Variants in FNDC3B observed in about 807,000 individuals in gnomAD.
The protein encoded by FNDC3B is fibronectin type III domain containing 3B.
A neutral mutation model predicts 151.5 loss-of-function variants in FNDC3B; 12 were observed. The ratio of observed to expected loss-of-function variants is 0.08; its 90% CI spans 0.05 to 0.13. The LOEUF is 0.13. FNDC3B is among the 10% of genes least tolerant of loss of function. FNDC3B has a pLI of 1.00. For missense variants in FNDC3B, 1,214 were observed against 1,505.3 expected (o/e 0.81, Z 3.20); for synonymous variants, 528 against 549.0 (o/e 0.96, Z 0.54).
At chr3:172,088,063 C>T (rs1199365531) in intron 1 of FNDC3B, among the ~76,000 whole-genome samples, 1 of 152,048 alleles carries the variant, frequency 6.6e-6, no homozygotes, top group Admixed American at 6.6e-5. Flanking sequence ...AATTGCCTGC[C>T]ACATCTTGTT....
At chr3:172,075,984 C>A (rs1312638061) in intron 1 of FNDC3B, among the ~76,000 whole-genome samples, 5 of 152,062 alleles carry the variant, frequency 3.3e-5, no homozygotes, top group Admixed American at 2.6e-4. Context: ...ACATGATAAC[C>A]CTGTAAACTC....
chr3:172,210,667 T>C (rs1012135177), intron 3 of FNDC3B, among the ~76,000 whole-genome samples: 9 of 152,096 alleles, frequency 5.9e-5, no homozygotes, highest in African/African-American at 2.2e-4. Context: ...AATCTGCACT[T>C]TTGTAGTATT....
intron 1 of FNDC3B, among the ~76,000 whole-genome samples, chr3:172,101,168 T>TG (rs1339032142): frequency 6.6e-6 from 1 of 152,202 alleles, no homozygotes; most frequent in Non-Finnish European, 1.5e-5. Flanking sequence ...GGTTAAGGCA[T>TG]GGGGTATGTT....
At chr3:172,376,861 AAAAAG>A (rs201019384) in intron 23 of FNDC3B, among the ~76,000 whole-genome samples, 37,578 of 149,688 alleles carry the variant, frequency 0.25, 4,604 homozygotes, top group Middle Eastern at 0.37. Context: ...AAAAAAAAAA[AAAAAG>A]AAAGAAAAGA....
intron 5 of FNDC3B, among the ~76,000 whole-genome samples, chr3:172,250,901 C>T (rs1159019184): frequency 6.6e-6 from 1 of 152,144 alleles, no homozygotes; most frequent in East Asian, 1.9e-4. Context: ...ACTGCAACCT[C>T]CGCCTCCAGG....
intron 4 of FNDC3B, among the ~76,000 whole-genome samples, chr3:172,241,686 C>T (rs1307855503): frequency 6.6e-6 from 1 of 152,134 alleles, no homozygotes; most frequent in Non-Finnish European, 1.5e-5. Flanking sequence ...CAGTTACCTC[C>T]CACTCAGTCC....
chr3:172,334,513 G>A lies in FNDC3B; in HGVS notation c.1642-431G>A, dbSNP rs573562311. On this transcript the variant is annotated intron_variant, in intron 14 of 25. Coordinates refer to ENST00000415807, the MANE Select transcript of FNDC3B (RefSeq NM_022763.4). Reference sequence around the variant, plus strand: ...GCTGGAGTGCAATGGCATGATCTTGGCTCACCGCAACCTCTGCCTCCCAGG... The same window carrying A: ...GCTGGAGTGCAATGGCATGATCTTGACTCACCGCAACCTCTGCCTCCCAGG... 3.0e-3 allele frequency among the ~76,000 whole-genome samples: 454 copies of A among 152,210 alleles called. 1 individual carries two copies. Among genetic ancestry groups the A allele is most frequent in the Non-Finnish European group, 5.2e-3 (356 of 68,004 alleles).
intron 24 of FNDC3B, among the ~76,000 whole-genome samples, chr3:172,379,186 A>C (rs901397788): frequency 6.6e-6 from 1 of 152,226 alleles, no homozygotes; most frequent in African/African-American, 2.4e-5. Context: ...CTGTCCACCC[A>C]GCCACTCATG....
At chr3:172,246,233 C>T (rs1219326614) in intron 4 of FNDC3B, among the ~76,000 whole-genome samples, 3 of 151,852 alleles carry the variant, frequency 2.0e-5, no homozygotes, top group South Asian at 2.1e-4. Context: ...AGTGTGTGCC[C>T]GATCGTGCAT....
intron 4 of FNDC3B, among the ~76,000 whole-genome samples, chr3:172,245,585 A>G (rs1727737129): frequency 6.6e-6 from 1 of 152,236 alleles, no homozygotes; most frequent in Non-Finnish European, 1.5e-5. Flanking sequence ...CTATTTATAT[A>G]CATGTGCTAC....
At chr3:172,080,493 G>A (rs1347741535) in intron 1 of FNDC3B, among the ~76,000 whole-genome samples, 2 of 151,280 alleles carry the variant, frequency 1.3e-5, no homozygotes, top group Non-Finnish European at 1.5e-5. Flanking sequence ...TCCCAGGCTG[G>A]TCTTGAACTC....
chr3:172,077,063 A>G, intron 1 of FNDC3B, among the ~76,000 whole-genome samples: 1 of 152,224 alleles, frequency 6.6e-6, no homozygotes, highest in South Asian at 2.1e-4. Flanking sequence ...CATAATAAGT[A>G]CAACTTGAAA....
At chr3:172,175,264 T>A (rs1305500209) in intron 3 of FNDC3B, among the ~76,000 whole-genome samples, 2 of 152,068 alleles carry the variant, frequency 1.3e-5, no homozygotes, top group Non-Finnish European at 2.9e-5. Flanking sequence ...CCTTTGGGCC[T>A]TTGTTGAATG....
intron 3 of FNDC3B, among the ~76,000 whole-genome samples, chr3:172,142,493 G>C (rs1033266471): frequency 6.6e-6 from 1 of 152,218 alleles, no homozygotes; most frequent in Non-Finnish European, 1.5e-5. Flanking sequence ...AAAGCGAGCA[G>C]TGTCGCATTA....
chr3:172,335,342 T>G, intron 15 of FNDC3B: 1 of 302,206 alleles, frequency 3.3e-6, no homozygotes, highest in Non-Finnish European at 6.0e-6. Context: ...GTATCTCATT[T>G]ACTCTATGAT....
chr3:172,348,279 C>G (rs977371372), intron 21 of FNDC3B, among the ~76,000 whole-genome samples: 1 of 152,224 alleles, frequency 6.6e-6, no homozygotes, highest in African/African-American at 2.4e-5. Context: ...TGTCTCTGGT[C>G]TCTTTGGAGA....
intron 12 of FNDC3B, 184 bp downstream of exon 12, chr3:172,329,260 C>T (rs966695106): frequency 7.9e-6 from 5 of 636,692 alleles, no homozygotes; most frequent in African/African-American, 7.3e-5. Context: ...GTCACTATGG[C>T]CTCTGCAGTC....
chr3:172,194,436 A>G (rs561787164), intron 3 of FNDC3B, among the ~76,000 whole-genome samples: 2 of 152,304 alleles, frequency 1.3e-5, no homozygotes, highest in African/African-American at 4.8e-5. Context: ...GTTATTTGCC[A>G]TTTAAATGGA....
At chr3:172,112,424 T>A in intron 1 of FNDC3B, 28 bp from the exon 2 acceptor site, 2 of 1,280,166 alleles carry the variant, frequency 1.6e-6, no homozygotes, top group South Asian at 2.4e-5. Flanking sequence ...TTCTGAGTCC[T>A]TTTTAAAAAG....
Sources: gnomAD v4.1 joint callset for allele counts (sites outside exome capture counted in the v4.1 genomes callset) on GRCh38, gnomAD v4.1.1 for gene constraint, MANE v1.5 for transcripts, NCBI Gene and HGNC (gene_info 2026-07-23, HGNC 2026-07-21) for gene names.